Variants in RS1 observed in about 807,000 individuals in gnomAD.
RS1 encodes retinoschisin.
Under a neutral mutation model 20.8 loss-of-function variants are expected in RS1, and 2 were observed. The observed-to-expected ratio is 0.10, with a 90% CI of 0.04 to 0.30. The LOEUF (loss-of-function observed/expected upper bound fraction) is 0.30, where lower values mean the gene tolerates loss of function less well. Among genes scored for constraint, RS1 ranks in the 10% least tolerant of loss-of-function variants. The pLI, the probability that RS1 is intolerant of heterozygous loss-of-function variation, is 1.00. For missense variants in RS1, 151 were observed against 189.8 expected (o/e 0.80, Z 1.20); for synonymous variants, 70 against 75.8 (o/e 0.92, Z 0.40).
In RS1 at chrX:18,663,269, C is replaced by A. The variant is rs761958378; in HGVS notation, c.53-5604G>T. On this transcript the variant is annotated intron_variant, in intron 1 of 5. Coordinates refer to ENST00000379984, the MANE Select transcript of RS1 (RefSeq NM_000330.4). ...GTCAGGCTGGTCTGGAACTCTCGACCTCAGGTGATCCACCTGCCTTGGCCT... is the reference window on the plus strand; with the variant it reads ...GTCAGGCTGGTCTGGAACTCTCGACATCAGGTGATCCACCTGCCTTGGCCT... Among the ~76,000 whole-genome samples, 12 of 107,467 alleles carry A rather than the reference C, an allele frequency of 1.1e-4. No individual in the cohort carries two copies. In the South Asian group the frequency reaches 4.9e-3, roughly 44 times the overall value. The allele number at this position is 107,467 out of a possible 115,157, so 93.3% of individuals were successfully genotyped here. A position where few individuals can be genotyped will look rare whatever the true frequency, so the allele number is the denominator to read the frequency against.
intron 5 of RS1, among the ~76,000 whole-genome samples, chrX:18,643,494 G>A (rs1927659674): frequency 8.9e-6 from 1 of 112,434 alleles, no homozygotes; most frequent in South Asian, 3.7e-4. Context: ...GTGCCTCTTT[G>A]CAAAGAACCT....
Position 18,644,492 on chromosome X carries a change from G to C in RS1, c.460C>G (p.Gln154Glu), listed in dbSNP as rs61753164. 1 of 1,211,427 alleles carries C rather than the reference G, an allele frequency of 8.3e-7. No homozygotes were observed. Among genetic ancestry groups the C allele is most frequent in the Admixed American group, 2.2e-5 (1 of 46,051 alleles). ...IDEWMTKYSV[Q>E]YRTDERLNWI... ...TTCAGGCGCTCATCGGTCCTGTACT[G>C]CACGCTGTACTTGGTCATCCACTCA... Residue 154 changes from glutamine (Q) to glutamate (E), a missense_variant, in exon 5 of 6, where the codon CAG becomes GAG. By Grantham distance (29) the Gln-to-Glu change is conservative. Coordinates refer to ENST00000379984, the MANE Select transcript of RS1 (RefSeq NM_000330.4).
intron 1 of RS1, among the ~76,000 whole-genome samples, chrX:18,660,739 A>G (rs1251433770): frequency 2.7e-5 from 3 of 112,218 alleles, no homozygotes; most frequent in Non-Finnish European, 5.6e-5. Flanking sequence ...CTGTTCTGCA[A>G]CCACTTTTTT....
rs746622239 is a variant in RS1, at chrX:18,641,588, T to C, written c.*416A>G. ...CTAGGAGGAGCTGCTCCCTTCTGCA[T>C]TCAAAGCCAGGCTTTAGGAAACTGT... On this transcript the variant is annotated 3_prime_UTR_variant, in exon 6 of 6. Transcript: ENST00000379984. The C allele has an allele frequency of 3.1e-5, 5 of 160,390 alleles. No individual in the cohort carries two copies. In the East Asian group the frequency reaches 8.3e-4, roughly 27 times the overall value. 13.2% of individuals were successfully genotyped at this position (160,390 alleles called of 1,213,427 possible).
chrX:18,644,061 A>C (rs143803737), intron 5 of RS1, among the ~76,000 whole-genome samples: 2,704 of 111,258 alleles, frequency 0.024, 74 homozygotes, highest in African/African-American at 0.083. Flanking sequence ...CATCTATATA[A>C]ATGGATGATT....
At position 18,640,644 on chromosome X, in the gene RS1, G is replaced by T. The variant is rs915534896; in HGVS notation, c.*1360C>A. 2 of 112,134 alleles carry T rather than the reference G, an allele frequency of 1.8e-5. No individual in the cohort carries two copies. The highest frequency in any genetic ancestry group is 6.5e-5 in the African/African-American group (2 of 30,767). The allele number at this position is 112,134 out of a possible 1,213,427, so 9.2% of individuals were successfully genotyped here. On this transcript the variant is annotated 3_prime_UTR_variant, in exon 6 of 6. Coordinates refer to ENST00000379984, the MANE Select transcript of RS1 (RefSeq NM_000330.4). ...TGTTCACAGAAAAGGTGAATGTGTT[G>T]TCCAGCACTGTATTAGCGCGAGTCT...
chrX:18,642,309 T>C (rs181740308), intron 5 of RS1, among the ~76,000 whole-genome samples, 153 bp from the exon 6 acceptor site: 67 of 111,879 alleles, frequency 6.0e-4, no homozygotes, highest in South Asian at 4.5e-3. Context: ...TGACCTTGAG[T>C]GATTGTCATC....
Position 18,665,052 on chromosome X carries a change from G to A in RS1, c.52+6965C>T, listed in dbSNP as rs192742049. 2.4e-3 allele frequency among the ~76,000 whole-genome samples: 273 copies of A among 111,729 alleles called. 2 individuals carry two copies. Among genetic ancestry groups the A allele is most frequent in the African/African-American group, 8.3e-3 (254 of 30,784 alleles). ...TATTTCTTATCTCCTGAGTGGCTTC[G>A]CCATCCATCTACCACCCCATCCAGA... On this transcript the variant is annotated intron_variant, in intron 1 of 5. Coordinates refer to ENST00000379984, the MANE Select transcript of RS1 (RefSeq NM_000330.4).
At chrX:18,646,137 G>A (rs1320895571) in intron 4 of RS1, 1 of 1,209,461 alleles carries the variant, frequency 8.3e-7, no homozygotes. Flanking sequence ...AACGACCCTA[G>A]ACTACTGAAT....
At chrX:18,645,202 G>A (rs967707509) in intron 4 of RS1, among the ~76,000 whole-genome samples, 2 of 111,377 alleles carry the variant, frequency 1.8e-5, no homozygotes, top group Non-Finnish European at 3.8e-5. Context: ...AGTTCCCCCC[G>A]CCACCTCCTT....
At chrX:18,659,567 G>T (rs1276516485) in intron 1 of RS1, among the ~76,000 whole-genome samples, 1 of 111,460 alleles carries the variant, frequency 9.0e-6, no homozygotes, top group Admixed American at 9.5e-5. Context: ...GAAACTAGTG[G>T]CTACCGTACT....
chrX:18,671,822 T>C, intron 1 of RS1, among the ~76,000 whole-genome samples, 195 bp downstream of exon 1: 1 of 112,022 alleles, frequency 8.9e-6, no homozygotes, highest in Non-Finnish European at 1.9e-5. Flanking sequence ...CTTTGAACTT[T>C]AGAAGGCTCC....
At chrX:18,663,056 T>C (rs1247730524) in intron 1 of RS1, among the ~76,000 whole-genome samples, 1 of 97,613 alleles carries the variant, frequency 1.0e-5, no homozygotes, top group Non-Finnish European at 2.1e-5. Context: ...TTTTTTTTTT[T>C]TGAGACGGAG....
chrX:18,646,721 C>T (rs1436125709), intron 4 of RS1, among the ~76,000 whole-genome samples: 1 of 111,036 alleles, frequency 9.0e-6, no homozygotes. Flanking sequence ...CTGGAGGTAT[C>T]ATCCCGACTC....
chrX:18,661,954 G>T (rs770947095), intron 1 of RS1, among the ~76,000 whole-genome samples: 1 of 112,298 alleles, frequency 8.9e-6, no homozygotes, highest in African/African-American at 3.2e-5. Flanking sequence ...ATTTGGGCAC[G>T]AAGGCAGGAG....
chrX:18,668,650 G>A (rs761687920), intron 1 of RS1, among the ~76,000 whole-genome samples: 12 of 113,089 alleles, frequency 1.1e-4, no homozygotes, highest in Middle Eastern at 4.2e-3. Flanking sequence ...TAGGCGACAG[G>A]CATATTCATG....
intron 1 of RS1, among the ~76,000 whole-genome samples, chrX:18,663,453 T>C (rs905114723): frequency 9.7e-6 from 1 of 103,534 alleles, no homozygotes; most frequent in African/African-American, 3.6e-5. Context: ...AGCCATCCTC[T>C]CACCTCAGCC....
intron 3 of RS1, among the ~76,000 whole-genome samples, chrX:18,649,883 T>G: frequency 9.0e-6 from 1 of 111,144 alleles, no homozygotes; most frequent in Non-Finnish European, 1.9e-5. Flanking sequence ...GTGGCAGGGA[T>G]TTTTCATGGG....
chrX:18,663,301 G>A (rs1455086498), intron 1 of RS1, among the ~76,000 whole-genome samples: 47 of 100,853 alleles, frequency 4.7e-4, no homozygotes, highest in Non-Finnish European at 7.5e-4. Context: ...GCCTCCCAAA[G>A]TGCTGGGATT....
Sources: allele counts gnomAD v4.1 joint callset (sites outside exome capture counted in the v4.1 genomes callset), GRCh38; gene constraint gnomAD v4.1.1; transcripts MANE v1.5; gene names NCBI Gene and HGNC (gene_info 2026-07-23, HGNC 2026-07-21).